Variants in DCDC2 observed in about 807,000 individuals in gnomAD.
The protein encoded by DCDC2 is doublecortin domain containing 2.
DCDC2 carries 40 observed loss-of-function variants against 50.2 expected under a neutral mutation model. The observed-to-expected ratio is 0.80, with a 90% CI of 0.62 to 1.04. DCDC2 has a LOEUF of 1.04. Ranked by LOEUF, DCDC2 falls within the 50% of genes least tolerant of loss-of-function variation. The probability of loss-of-function intolerance (pLI) is 0.00; values close to 1 mark genes in which losing one functional copy is unlikely to be tolerated. For missense variants in DCDC2, 570 were observed against 581.9 expected, an observed-to-expected ratio of 0.98 and a Z score of 0.21; for synonymous variants, 234 against 210.6, an observed-to-expected ratio of 1.11 and a Z score of -0.96.
At chr6:24,243,107 G>C (rs1270117871) in intron 7 of DCDC2, among the ~76,000 whole-genome samples, 1 of 152,188 alleles carries the variant, frequency 6.6e-6, no homozygotes, top group African/African-American at 2.4e-5. Context: ...ACACCAGTGA[G>C]ACACAAAACA....
intron 8 of DCDC2, among the ~76,000 whole-genome samples, chr6:24,190,330 A>G (rs957816557): frequency 6.6e-6 from 1 of 152,114 alleles, no homozygotes; most frequent in African/African-American, 2.4e-5. Flanking sequence ...TCATTGTTCA[A>G]TTCCCACCTA....
At chr6:24,332,707 A>T (rs571180412) in intron 2 of DCDC2, among the ~76,000 whole-genome samples, 1 of 152,264 alleles carries the variant, frequency 6.6e-6, no homozygotes, top group South Asian at 2.1e-4. Context: ...GCAATTTAAA[A>T]CATAAAAGAA....
intron 9 of DCDC2, among the ~76,000 whole-genome samples, chr6:24,176,311 A>T (rs1760910828): frequency 9.1e-6 from 1 of 109,822 alleles, no homozygotes; most frequent in South Asian, 4.3e-4. Flanking sequence ...AAAAGTCCCT[A>T]ATTAGATGTT....
chr6:24,227,489 G>A (rs1313062863), intron 7 of DCDC2, among the ~76,000 whole-genome samples: 2 of 152,136 alleles, frequency 1.3e-5, no homozygotes, highest in Non-Finnish European at 2.9e-5. Flanking sequence ...AATGAGAGAC[G>A]AAGCCAGACC....
chr6:24,262,809 G>A (rs891780786), intron 7 of DCDC2, among the ~76,000 whole-genome samples: 3 of 152,248 alleles, frequency 2.0e-5, no homozygotes, highest in African/African-American at 7.2e-5. Flanking sequence ...TTGCCTTGAA[G>A]GGAAGGACAT....
At chr6:24,281,115 C>G (rs754164651) in intron 6 of DCDC2, among the ~76,000 whole-genome samples, 20 of 151,936 alleles carry the variant, frequency 1.3e-4, no homozygotes, top group Non-Finnish European at 2.4e-4. Context: ...CAGGAAAGTT[C>G]CGATTTATCA....
At chr6:24,381,959 AGAAG>A in the DCDC2 span, among the ~76,000 whole-genome samples, 1,461 of 103,660 alleles carry the variant, frequency 0.014, 14 homozygotes, top group Admixed American at 0.021. Context: ...AAGGAAAGAA[AGAAG>A]GAAGGAAGGA....
chr6:24,298,498 T>C (rs1258594846), intron 4 of DCDC2, among the ~76,000 whole-genome samples: 2 of 152,236 alleles, frequency 1.3e-5, no homozygotes, highest in Admixed American at 6.5e-5. Flanking sequence ...ATCCCAGCCC[T>C]GCTACTCAGT....
intron 8 of DCDC2, among the ~76,000 whole-genome samples, chr6:24,193,140 A>G (rs1020269339): frequency 6.6e-6 from 1 of 152,118 alleles, no homozygotes; most frequent in Non-Finnish European, 1.5e-5. Context: ...ATACTTCACC[A>G]TACTTACAGT....
intron 7 of DCDC2, among the ~76,000 whole-genome samples, chr6:24,232,987 C>T (rs1762369887): frequency 6.6e-6 from 1 of 152,158 alleles, no homozygotes; most frequent in African/African-American, 2.4e-5. Flanking sequence ...TAGGCAATGG[C>T]CATTTAGGGC....
At position 24,290,477 on chromosome 6, in the gene DCDC2, T is replaced by C. The variant is rs868650280; in HGVS notation, c.704+455A>G. The stretch of plus-strand genomic sequence containing the variant: ...CTCTATTTGCATAAGTGGGATTATG[T>C]TGTTTTTATATTTTACAGTTATTAT... On this transcript the variant is annotated intron_variant, in intron 5 of 9. Transcript: ENST00000378454. 6.0e-4 allele frequency among the ~76,000 whole-genome samples: 91 copies of C among 152,322 alleles called. 1 individual carries two copies. The highest frequency in any genetic ancestry group is 2.1e-3 in the African/African-American group (89 of 41,574).
chr6:24,275,954 C>T (rs1763343605), intron 7 of DCDC2, among the ~76,000 whole-genome samples: 1 of 148,638 alleles, frequency 6.7e-6, no homozygotes, highest in African/African-American at 2.5e-5. Context: ...ACTGCAGCCT[C>T]AGCCGCCTGG....
At chr6:24,380,942 G>GTGT in the DCDC2 span, among the ~76,000 whole-genome samples, 1 of 152,074 alleles carries the variant, frequency 6.6e-6, no homozygotes, top group Non-Finnish European at 1.5e-5. Flanking sequence ...AACTAACCAG[G>GTGT]TGTGGTGGTG....
intron 4 of DCDC2, among the ~76,000 whole-genome samples, chr6:24,294,838 C>T (rs1458794758): frequency 2.6e-5 from 4 of 151,892 alleles, no homozygotes; most frequent in Admixed American, 6.6e-5. Flanking sequence ...AATAGCCTAC[C>T]GATCAAAAAA....
the DCDC2 span, among the ~76,000 whole-genome samples, chr6:24,382,135 A>T: frequency 6.6e-6 from 1 of 152,274 alleles, no homozygotes; most frequent in Admixed American, 6.5e-5. Context: ...TACTCCAGGC[A>T]ATTTTTCATG....
At position 24,277,496 on chromosome 6, in the gene DCDC2, C is replaced by A. The variant is rs75894766; in HGVS notation, c.922+553G>T. ...CACTTTTATCTCATACCAGTGAAAT[C>A]TTGGACTAATGCAATTTTTTATTTT... On this transcript the variant is annotated intron_variant, in intron 7 of 9. Transcript: ENST00000378454. Among the ~76,000 whole-genome samples, 112 of 152,320 alleles carry A rather than the reference C, an allele frequency of 7.4e-4. 1 individual carries two copies. The East Asian group carries it at 0.014, about 19-fold the overall frequency.
At position 24,184,289 on chromosome 6, in the gene DCDC2, G is replaced by A. The variant is rs542055500; in HGVS notation, c.1024-5657C>T. Reference sequence around the variant, plus strand: ...TTACTGTTTAAAGAATTACTGACCTGAGGCTGGGCATGGTGGCTCACGCTT... The same window carrying A: ...TTACTGTTTAAAGAATTACTGACCTAAGGCTGGGCATGGTGGCTCACGCTT... On this transcript the variant is annotated intron_variant, in intron 8 of 9. Transcript: ENST00000378454. Among the ~76,000 whole-genome samples, 14 of 152,272 alleles carry A rather than the reference G, an allele frequency of 9.2e-5. No homozygotes were observed. The South Asian group carries it at 2.5e-3, about 27-fold the overall frequency.
chr6:24,307,661 G>A (rs886972319), intron 2 of DCDC2, among the ~76,000 whole-genome samples: 16 of 152,108 alleles, frequency 1.1e-4, no homozygotes, highest in African/African-American at 3.1e-4. Flanking sequence ...CCAAAGGCTA[G>A]TAAAAGACAC....
upstream of DCDC2, among the ~76,000 whole-genome samples, chr6:24,358,885 ATATT>A (rs1760550468): frequency 1.2e-3 from 41 of 34,590 alleles, no homozygotes; most frequent in Non-Finnish European, 1.8e-3. Context: ...TGTATTATAT[ATATT>A]TATATATATA....
Sources: allele counts gnomAD v4.1 joint callset (sites outside exome capture counted in the v4.1 genomes callset), GRCh38; gene constraint gnomAD v4.1.1; transcripts MANE v1.5; gene names NCBI Gene and HGNC (gene_info 2026-07-23, HGNC 2026-07-21).